The following SLC1A1 variants were observed in gnomAD, a reference collection of about 807,000 sequenced individuals.
The protein encoded by SLC1A1 is solute carrier family 1 member 1, also known as excitatory amino acid transporter 3.
In SLC1A1, 43 loss-of-function variants were observed where a neutral mutation model predicts 53.3. The ratio of observed to expected loss-of-function variants is 0.81; its 90% confidence interval spans 0.63 to 1.04. The LOEUF (loss-of-function observed/expected upper bound fraction) is 1.04. SLC1A1 is among the 50% of genes least tolerant of loss of function. The probability of loss-of-function intolerance (pLI) is 0.00; values close to 1 mark genes in which losing one functional copy is unlikely to be tolerated. For synonymous variants in SLC1A1, 307 were observed against 243.2 expected, an observed-to-expected ratio of 1.26 and a Z score of -2.44; for missense variants, 748 against 664.9, an observed-to-expected ratio of 1.12 and a Z score of -1.37.
chr9:4,498,879 T>C (rs944334923), intron 1 of SLC1A1, among the ~76,000 whole-genome samples: 3 of 147,932 alleles, frequency 2.0e-5, no homozygotes, highest in African/African-American at 7.4e-5. Flanking sequence ...CTGAGAGATA[T>C]GTGGTCTCTG....
At chr9:4,550,053 C>T (rs889375530) in intron 2 of SLC1A1, among the ~76,000 whole-genome samples, 4 of 152,158 alleles carry the variant, frequency 2.6e-5, no homozygotes, top group Non-Finnish European at 5.9e-5. Context: ...AAGAAAACTC[C>T]CTCCTTTCCC....
Position 4,586,411 on chromosome 9 carries a change from G to A in SLC1A1, c.*853G>A, listed in dbSNP as rs527285220. 3.9e-5 allele frequency: 6 copies of A among 152,182 alleles called. No individual in the cohort carries two copies. Among genetic ancestry groups the A allele is most frequent in the South Asian group, 2.1e-4 (1 of 4,826 alleles). The allele number at this position is 152,182 out of a possible 1,614,324, so 9.4% of individuals were successfully genotyped here. A position where few individuals can be genotyped will look rare whatever the true frequency, so the allele number is the denominator to read the frequency against. On this transcript the variant is annotated 3_prime_UTR_variant, in exon 12 of 12. Transcript: ENST00000262352. ...GAATGAGAAATCATGTTGTTCGATC[G>A]TTTCACATCTGTATATCAGCTCTAA...
intron 1 of SLC1A1, among the ~76,000 whole-genome samples, chr9:4,498,068 G>A (rs1471943321): frequency 6.6e-6 from 1 of 152,158 alleles, no homozygotes; most frequent in African/African-American, 2.4e-5. Context: ...GTTGACTTGG[G>A]TTATAAAACC....
chr9:4,559,419 G>A (rs547205847), intron 2 of SLC1A1, among the ~76,000 whole-genome samples: 3 of 152,180 alleles, frequency 2.0e-5, no homozygotes, highest in African/African-American at 7.2e-5. Context: ...AACAGCCAGA[G>A]AAATGGTGTG....
chr9:4,564,485 C>A, intron 4 of SLC1A1, 27 bp downstream of exon 4: 1 of 1,384,808 alleles, frequency 7.2e-7, no homozygotes, highest in Non-Finnish European at 1.0e-6. Context: ...AAGGTGGCTT[C>A]AAGGGCATGC....
rs145101790 is a variant in SLC1A1 at position 4,572,372 on chromosome 9, G to A, written c.751G>A (p.Val251Ile). 3.3e-5 allele frequency: 53 copies of A among 1,613,790 alleles called. No individual in the cohort carries two copies. Among genetic ancestry groups the A allele is most frequent in the East Asian group, 2.0e-4 (9 of 44,890 alleles). ...NALSDATMKI[V>I]QIIMCYMPLG... ...TTTGAGTGATGCAACCATGAAAATC[G>A]TTCAGATCATCATGTGGTGAGCAGA... Residue 251 changes from valine (V) to isoleucine (I), a missense_variant, in exon 7 of 12, where the codon GTT becomes ATT. Val to Ile is a conservative substitution (Grantham distance 29, BLOSUM62 3). Transcript: ENST00000262352.
chr9:4,511,468 G>T (rs1447040181), intron 1 of SLC1A1, among the ~76,000 whole-genome samples: 1 of 151,800 alleles, frequency 6.6e-6, no homozygotes, highest in African/African-American at 2.4e-5. Flanking sequence ...TTGATGATTA[G>T]GTTTCAAAAT....
chr9:4,538,914 A>G (rs1042775715), intron 1 of SLC1A1, among the ~76,000 whole-genome samples: 6 of 152,268 alleles, frequency 3.9e-5, no homozygotes, highest in African/African-American at 1.4e-4. Flanking sequence ...CTCATCATCA[A>G]CGTTCATCTT....
At chr9:4,515,767 C>A (rs1821142023) in intron 1 of SLC1A1, among the ~76,000 whole-genome samples, 1 of 152,104 alleles carries the variant, frequency 6.6e-6, no homozygotes, top group Admixed American at 6.5e-5. Flanking sequence ...GGACTGAACC[C>A]TTGCTTGCCC....
At chr9:4,491,987 A>G (rs1229467548) in intron 1 of SLC1A1, among the ~76,000 whole-genome samples, 1 of 152,192 alleles carries the variant, frequency 6.6e-6, no homozygotes, top group Non-Finnish European at 1.5e-5. Flanking sequence ...TCTTGGGGTC[A>G]GATTGGATTC....
intron 1 of SLC1A1, among the ~76,000 whole-genome samples, chr9:4,544,132 T>C (rs1417048741): frequency 6.6e-6 from 1 of 152,142 alleles, no homozygotes; most frequent in Non-Finnish European, 1.5e-5. Context: ...GCCGAGATGG[T>C]ACCACTGTAC....
At position 4,583,259 on chromosome 9, in the gene SLC1A1, C is replaced by T; in HGVS notation, c.1328+87C>T. Reference sequence around the variant, plus strand: ...GCGCTGCAGTCTGTCATCATTCTCTCCTCAGATTGCCTAATGAGCCACCTG... The same window carrying T: ...GCGCTGCAGTCTGTCATCATTCTCTTCTCAGATTGCCTAATGAGCCACCTG... On this transcript the variant is annotated intron_variant, in intron 11 of 11. Transcript: ENST00000262352. This position sits in a 1 kb window ranked among gnomAD's most constrained non-coding sequence, Gnocchi z 4.6. 1 of 1,530,880 alleles carries T rather than the reference C, an allele frequency of 6.5e-7. No individual in the cohort carries two copies. The highest frequency in any genetic ancestry group is 1.1e-5 in the South Asian group (1 of 89,272). The allele number at this position is 1,530,880 out of a possible 1,614,324, so 94.8% of individuals were successfully genotyped here.
intron 1 of SLC1A1, among the ~76,000 whole-genome samples, chr9:4,531,792 T>A (rs1202506393): frequency 6.6e-6 from 1 of 152,126 alleles, no homozygotes; most frequent in Non-Finnish European, 1.5e-5. Flanking sequence ...GTAGCCTAAC[T>A]GGGAGGCACC....
chr9:4,527,533 C>CT (rs1303791956), intron 1 of SLC1A1, among the ~76,000 whole-genome samples: 1 of 152,124 alleles, frequency 6.6e-6, no homozygotes, highest in Non-Finnish European at 1.5e-5. Context: ...ATACACTAGA[C>CT]TGTTATGGTA....
chr9:4,568,821 A>C (rs1819748588), intron 6 of SLC1A1, among the ~76,000 whole-genome samples: 1 of 152,136 alleles, frequency 6.6e-6, no homozygotes, highest in Non-Finnish European at 1.5e-5. Context: ...AGCTTCATTC[A>C]GGCATGAGTT....
chr9:4,568,189 G>A lies in SLC1A1; in HGVS notation c.582+422G>A, dbSNP rs570932346. 9.1e-4 allele frequency among the ~76,000 whole-genome samples: 139 copies of A among 152,216 alleles called. 1 individual carries two copies. Among genetic ancestry groups the A allele is most frequent in the African/African-American group, 3.3e-3 (135 of 41,536 alleles). On this transcript the variant is annotated intron_variant, in intron 6 of 11. Coordinates refer to ENST00000262352, the MANE Select transcript of SLC1A1 (RefSeq NM_004170.6). ...AATCCCAGCATGCTGGGATGCCGAG[G>A]CGGGAGGATCGCTTGAGCCCAGGAG...
intron 1 of SLC1A1, among the ~76,000 whole-genome samples, chr9:4,534,698 C>A (rs1816607039): frequency 8.8e-6 from 1 of 113,906 alleles, no homozygotes; most frequent in Non-Finnish European, 2.1e-5. Flanking sequence ...GGGAATCCTC[C>A]CTAACTCATG....
intron 10 of SLC1A1, among the ~76,000 whole-genome samples, chr9:4,580,405 GC>G (rs1210492804): frequency 6.6e-6 from 1 of 151,722 alleles, no homozygotes; most frequent in Non-Finnish European, 1.5e-5. Flanking sequence ...ACAAGGCGAG[GC>G]CCCGTCTCTA....
intron 1 of SLC1A1, among the ~76,000 whole-genome samples, chr9:4,509,329 G>C (rs1357012672): frequency 1.3e-5 from 2 of 152,132 alleles, no homozygotes; most frequent in African/African-American, 2.4e-5. Flanking sequence ...TCACTGAGCA[G>C]AATTGAATCA....
Sources: gnomAD v4.1 joint callset for allele counts (sites outside exome capture counted in the v4.1 genomes callset) on GRCh38, gnomAD v4.1.1 for gene constraint, Gnocchi (gnomAD v3.1) non-coding constraint, MANE v1.5 for transcripts, NCBI Gene and HGNC (gene_info 2026-07-23, HGNC 2026-07-21) for gene names.